FER: variants seen among roughly 807,000 people sequenced by gnomAD.
FER encodes the protein FER tyrosine kinase.
FER carries 63 observed loss-of-function variants against 111.0 expected under a neutral mutation model. That is an observed-to-expected ratio of 0.57 (90% confidence interval 0.46 to 0.70). FER has a LOEUF of 0.70. Among genes scored for constraint, FER ranks in the 30% least tolerant of loss-of-function variants. The pLI is 0.00. For missense variants in FER, 914 were observed against 954.0 expected (o/e 0.96, Z 0.55); for synonymous variants, 327 against 313.9 (o/e 1.04, Z -0.44).
At chr5:108,946,618 T>C (rs527313965) in intron 11 of FER, among the ~76,000 whole-genome samples, 16 of 152,142 alleles carry the variant, frequency 1.1e-4, no homozygotes, top group Admixed American at 6.6e-4. Context: ...AAAATGTATT[T>C]ATGTGTATAT....
At chr5:109,043,538 G>A (rs143208542) in intron 14 of FER, among the ~76,000 whole-genome samples, 2,588 of 152,118 alleles carry the variant, frequency 0.017, 31 homozygotes, top group African/African-American at 0.022. Flanking sequence ...TTAATAAGCC[G>A]TAGTTCAAGG....
chr5:109,091,185 C>G (rs1778129251), intron 16 of FER, among the ~76,000 whole-genome samples: 1 of 152,182 alleles, frequency 6.6e-6, no homozygotes, highest in Non-Finnish European at 1.5e-5. Context: ...GCTGCCACTC[C>G]CATCATAGGC....
chr5:108,855,095 T>G (rs1762870259), intron 5 of FER, among the ~76,000 whole-genome samples: 1 of 151,276 alleles, frequency 6.6e-6, no homozygotes, highest in Non-Finnish European at 1.5e-5. Context: ...ATGGGAAAAA[T>G]GTGGGAAGAC....
chr5:108,966,598 G>T (rs1197789110), intron 13 of FER, among the ~76,000 whole-genome samples: 1 of 151,904 alleles, frequency 6.6e-6, no homozygotes, highest in Non-Finnish European at 1.5e-5. Context: ...ATGTTGCTCA[G>T]GCTGGTCTCG....
intron 13 of FER, among the ~76,000 whole-genome samples, chr5:108,991,719 C>G (rs1354814162): frequency 6.6e-6 from 1 of 151,820 alleles, no homozygotes; most frequent in Non-Finnish European, 1.5e-5. Context: ...TTTTTTAGCA[C>G]TTGCTATTTT....
chr5:108,992,021 C>T (rs947706195), intron 13 of FER, among the ~76,000 whole-genome samples: 6 of 152,068 alleles, frequency 3.9e-5, no homozygotes, highest in South Asian at 2.1e-4. Context: ...GAGGACCCTG[C>T]GGCCTTCCGC....
intron 18 of FER, among the ~76,000 whole-genome samples, chr5:109,182,416 A>G (rs1758377096): frequency 6.6e-6 from 1 of 152,190 alleles, no homozygotes; most frequent in Non-Finnish European, 1.5e-5. Context: ...TCTAGAAAAA[A>G]TGGCAGAGCT....
chr5:109,137,436 T>C (rs1753017521), intron 17 of FER, among the ~76,000 whole-genome samples: 1 of 152,234 alleles, frequency 6.6e-6, no homozygotes, highest in Admixed American at 6.5e-5. Context: ...TATTCACATA[T>C]CACCAAAGAC....
At chr5:109,038,288 A>T (rs1463000042) in intron 14 of FER, among the ~76,000 whole-genome samples, 1 of 151,916 alleles carries the variant, frequency 6.6e-6, no homozygotes, top group Non-Finnish European at 1.5e-5. Context: ...TTATGGTGTG[A>T]TACAAAAAAT....
At chr5:109,090,616 AATGAG>A (rs1179819349) in intron 16 of FER, among the ~76,000 whole-genome samples, 1 of 152,234 alleles carries the variant, frequency 6.6e-6, no homozygotes, top group East Asian at 1.9e-4. Context: ...GAATGAACAA[AATGAG>A]AATACTCACA....
At chr5:109,162,938 G>A (rs767928906) in intron 17 of FER, among the ~76,000 whole-genome samples, 5 of 151,714 alleles carry the variant, frequency 3.3e-5, no homozygotes, top group Non-Finnish European at 7.4e-5. Flanking sequence ...ATATAGTCAT[G>A]TCATGTAATC....
intron 1 of FER, among the ~76,000 whole-genome samples, chr5:108,755,872 C>G (rs1193396316): frequency 6.6e-6 from 1 of 151,406 alleles, no homozygotes; most frequent in African/African-American, 2.4e-5. Context: ...ACAGTATCAG[C>G]CGGGCACTGT....
intron 16 of FER, among the ~76,000 whole-genome samples, chr5:109,099,256 T>C (rs959133731): frequency 6.6e-6 from 1 of 151,486 alleles, no homozygotes; most frequent in Admixed American, 6.6e-5. Flanking sequence ...GAATGCAAAG[T>C]TTATGGTTGC....
At chr5:109,006,144 G>T (rs1418660430) in intron 13 of FER, among the ~76,000 whole-genome samples, 1 of 152,146 alleles carries the variant, frequency 6.6e-6, no homozygotes, top group African/African-American at 2.4e-5. Flanking sequence ...TGATGACTTT[G>T]AATCTTGGGG....
chr5:109,177,399 C>A, intron 17 of FER: 1 of 151,428 alleles, frequency 6.6e-6, no homozygotes, highest in African/African-American at 2.4e-5. Flanking sequence ...TATCCAGACC[C>A]AGTGGGAATA....
At chr5:109,038,706 A>G (rs1269771768) in intron 14 of FER, among the ~76,000 whole-genome samples, 2 of 151,974 alleles carry the variant, frequency 1.3e-5, no homozygotes, top group Non-Finnish European at 2.9e-5. Context: ...GTAACTCAGT[A>G]GCAGTGACTG....
Position 109,188,896 on chromosome 5 carries a change from C to T in FER, c.*1321C>T, listed in dbSNP as rs1237728655. On this transcript the variant is annotated 3_prime_UTR_variant, in exon 20 of 20. Coordinates refer to ENST00000281092, the MANE Select transcript of FER (RefSeq NM_005246.4). ...ATTTCATGATTCTAGTTCACCAACA[C>T]ATTCACGTGTGTACATGCGCGTGCA... The T allele has an allele frequency of 6.6e-6, 1 of 151,622 alleles. No homozygotes were observed. The highest frequency in any genetic ancestry group is 1.5e-5 in the Non-Finnish European group (1 of 67,886). The allele number at this position is 151,622 out of a possible 1,614,324, so 9.4% of individuals were successfully genotyped here.
intron 14 of FER, among the ~76,000 whole-genome samples, chr5:109,041,718 A>C (rs1045687999): frequency 1.3e-5 from 2 of 152,220 alleles, no homozygotes; most frequent in East Asian, 3.9e-4. Flanking sequence ...CCAACAGCTC[A>C]AATTGCCAAT....
At chr5:108,883,658 T>G (rs1765897878) in intron 9 of FER, 140 bp downstream of exon 9, 5 of 658,506 alleles carry the variant, frequency 7.6e-6, no homozygotes, top group Admixed American at 8.0e-5. Context: ...TATAGTTAAT[T>G]TCTAGGATTC....
Sources: allele counts gnomAD v4.1 joint callset (sites outside exome capture counted in the v4.1 genomes callset), GRCh38; gene constraint gnomAD v4.1.1; transcripts MANE v1.5; gene names NCBI Gene and HGNC (gene_info 2026-07-23, HGNC 2026-07-21).